The following CACUL1 variants were observed in gnomAD, a reference collection of about 807,000 sequenced individuals.
The protein encoded by CACUL1 is CDK2 associated cullin domain 1.
Under a neutral mutation model 45.2 loss-of-function variants are expected in CACUL1, and 13 were observed. The observed-to-expected ratio is 0.29, with a 90% CI of 0.19 to 0.46. The LOEUF (loss-of-function observed/expected upper bound fraction) is 0.46. Among genes scored for constraint, CACUL1 ranks in the 20% least tolerant of loss-of-function variants. The pLI is 1.00. For missense variants in CACUL1, 421 were observed against 471.4 expected, an observed-to-expected ratio of 0.89 and a Z score of 0.99; for synonymous variants, 197 against 174.2, an observed-to-expected ratio of 1.13 and a Z score of -1.03.
chr10:118,716,285 A>G (rs1845544035), intron 3 of CACUL1, among the ~76,000 whole-genome samples: 1 of 147,458 alleles, frequency 6.8e-6, no homozygotes, highest in African/African-American at 2.5e-5. Flanking sequence ...ACATTCGTAG[A>G]AAATTATTAC....
chr10:118,686,739 G>A, intron 7 of CACUL1, 98 bp from the exon 8 acceptor site: 1 of 865,784 alleles, frequency 1.2e-6, no homozygotes, highest in Non-Finnish European at 2.0e-6. Flanking sequence ...AGACATTTCA[G>A]TTCTAACCAA....
At chr10:118,701,229 G>T in intron 5 of CACUL1, 77 bp downstream of exon 5, 3 of 774,496 alleles carry the variant, frequency 3.9e-6, no homozygotes, top group Non-Finnish European at 6.1e-6. Context: ...ACGTGACAAT[G>T]CTCTCAGACC....
intron 4 of CACUL1, among the ~76,000 whole-genome samples, chr10:118,702,109 C>G (rs545169418): frequency 3.2e-4 from 48 of 152,276 alleles, no homozygotes; most frequent in African/African-American, 1.1e-3. Context: ...TTCTCCTGGA[C>G]AATGAGTCTC....
intron 3 of CACUL1, among the ~76,000 whole-genome samples, chr10:118,727,283 C>T (rs554734242): frequency 4.5e-4 from 68 of 151,658 alleles, no homozygotes; most frequent in African/African-American, 1.6e-3. Context: ...GTGCCAGCAA[C>T]TGGGGAGGCT....
chr10:118,728,630 T>C (rs1472135501), intron 3 of CACUL1, among the ~76,000 whole-genome samples: 1 of 152,220 alleles, frequency 6.6e-6, no homozygotes, highest in Non-Finnish European at 1.5e-5. Flanking sequence ...AGCCCTGGTA[T>C]AAAGATTATT....
At chr10:118,717,139 C>A (rs1179618990) in intron 3 of CACUL1, among the ~76,000 whole-genome samples, 2 of 152,186 alleles carry the variant, frequency 1.3e-5, no homozygotes, top group Non-Finnish European at 2.9e-5. Context: ...AAACAGCTGG[C>A]CCACCTGTTA....
Position 118,678,347 on chromosome 10 carries a change from T to C in CACUL1, c.*7781A>G, listed in dbSNP as rs1332404692. The C allele has an allele frequency of 6.6e-6, 1 of 152,250 alleles. No individual in the cohort carries two copies. Among genetic ancestry groups the C allele is most frequent in the Non-Finnish European group, 1.5e-5 (1 of 68,042 alleles). The allele number at this position is 152,250 out of a possible 1,614,324, so 9.4% of individuals were successfully genotyped here. A position where few individuals can be genotyped will look rare whatever the true frequency, so the allele number is the denominator to read the frequency against. ...GCATTTTCTATCTTGTTGATGAAAT[T>C]CTTCCCTACTCCAAAGTCATTGTTT... is the stretch of plus-strand genomic sequence containing the variant. On this transcript the variant is annotated 3_prime_UTR_variant, in exon 9 of 9. Transcript: ENST00000369151.
At position 118,685,368 on chromosome 10, in the gene CACUL1, A is replaced by C. The variant is rs4443992; in HGVS notation, c.*760T>G. The stretch of plus-strand genomic sequence containing the variant: ...GAATATGCTCTGGTGAACCAGGGGA[A>C]AATCCGACCCATGTGCAAAAGGTTT... On this transcript the variant is annotated 3_prime_UTR_variant, in exon 9 of 9. Coordinates refer to ENST00000369151, the MANE Select transcript of CACUL1 (RefSeq NM_153810.5). 0.095 allele frequency: 14,551 copies of C among 152,704 alleles called. 746 individuals carry two copies. Among genetic ancestry groups the C allele is most frequent in the Admixed American group, 0.15 (2,319 of 15,298 alleles). The allele number at this position is 152,704 out of a possible 1,614,324, so 9.5% of individuals were successfully genotyped here. A position where few individuals can be genotyped will look rare whatever the true frequency, so the allele number is the denominator to read the frequency against.
intron 5 of CACUL1, 48 bp downstream of exon 5, chr10:118,701,258 A>T: frequency 9.6e-7 from 1 of 1,046,288 alleles, no homozygotes; most frequent in African/African-American, 1.6e-5. Context: ...AAGAAAAAGG[A>T]AAGATCATTG....
At chr10:118,694,000 G>A (rs1409655780) in intron 6 of CACUL1, among the ~76,000 whole-genome samples, 2 of 152,132 alleles carry the variant, frequency 1.3e-5, no homozygotes, top group Admixed American at 6.5e-5. Flanking sequence ...AAGTAGCTGG[G>A]ACTACAGGCG....
intron 1 of CACUL1, among the ~76,000 whole-genome samples, chr10:118,732,512 G>A (rs78120959): frequency 0.03 from 4,585 of 152,184 alleles, 237 homozygotes; most frequent in East Asian, 0.19. Context: ...CTCTGCTTGC[G>A]GGAGGAGCAG....
intron 1 of CACUL1, among the ~76,000 whole-genome samples, chr10:118,744,656 T>C (rs559659136): frequency 9.2e-5 from 14 of 152,128 alleles, no homozygotes; most frequent in Non-Finnish European, 1.8e-4. Flanking sequence ...TTCCAAGTTT[T>C]TTTGGGGGGC....
chr10:118,737,336 T>A (rs1845749535), intron 1 of CACUL1, among the ~76,000 whole-genome samples: 1 of 152,218 alleles, frequency 6.6e-6, no homozygotes, highest in Non-Finnish European at 1.5e-5. Context: ...AAATGTCTAC[T>A]GTGATCATGA....
intron 1 of CACUL1, among the ~76,000 whole-genome samples, chr10:118,738,152 G>A (rs1422615787): frequency 6.6e-6 from 1 of 152,188 alleles, no homozygotes; most frequent in Admixed American, 6.5e-5. Context: ...ACCTTGCCCT[G>A]TAGGCCCCTG....
At chr10:118,736,228 A>T (rs1008399254) in intron 1 of CACUL1, among the ~76,000 whole-genome samples, 16 of 152,198 alleles carry the variant, frequency 1.1e-4, no homozygotes, top group African/African-American at 3.9e-4. Context: ...TTTTTTAAAC[A>T]GAAAAAATTT....
intron 1 of CACUL1, among the ~76,000 whole-genome samples, chr10:118,737,520 G>GTATAAAACCTC (rs1845751340): frequency 6.6e-6 from 1 of 151,998 alleles, no homozygotes; most frequent in African/African-American, 2.4e-5. Context: ...CATACCAGCC[G>GTATAAAACCTC]TATAAAACCT....
intron 5 of CACUL1, among the ~76,000 whole-genome samples, chr10:118,697,033 C>A (rs892815553): frequency 6.6e-6 from 1 of 152,026 alleles, no homozygotes; most frequent in Admixed American, 6.5e-5. Context: ...ATAAAATGTA[C>A]AGAAATTAAT....
chr10:118,734,651 G>C (rs947713603), intron 1 of CACUL1, among the ~76,000 whole-genome samples: 12 of 152,190 alleles, frequency 7.9e-5, no homozygotes, highest in African/African-American at 2.9e-4. Flanking sequence ...GGGCTTTATT[G>C]AACAGCAGAA....
At position 118,679,303 on chromosome 10, in the gene CACUL1, A is replaced by T. The variant is rs533768468; in HGVS notation, c.*6825T>A. 7 of 152,138 alleles carry T rather than the reference A, an allele frequency of 4.6e-5. No individual in the cohort carries two copies. Among genetic ancestry groups the T allele is most frequent in the African/African-American group, 1.7e-4 (7 of 41,432 alleles). 9.4% of individuals were successfully genotyped at this position (152,138 alleles called of 1,614,324 possible). ...CTGTAACCTCCACTTCCTGGGTTCA[A>T]GTTCTTGTGCCTGAGCCACCCAAGC... On this transcript the variant is annotated 3_prime_UTR_variant, in exon 9 of 9. Transcript: ENST00000369151.
Sources: allele counts gnomAD v4.1 joint callset (sites outside exome capture counted in the v4.1 genomes callset), GRCh38; gene constraint gnomAD v4.1.1; transcripts MANE v1.5; gene names NCBI Gene and HGNC (gene_info 2026-07-23, HGNC 2026-07-21).